Variants in FAM81B observed in about 807,000 individuals in gnomAD.
FAM81B encodes protein FAM81B.
Under a neutral mutation model 58.7 loss-of-function variants are expected in FAM81B, and 60 were observed. That is an observed-to-expected ratio of 1.02 (90% CI 0.83 to 1.27). The LOEUF (loss-of-function observed/expected upper bound fraction) is 1.27. Ranked by LOEUF, FAM81B falls within the 50% of genes most tolerant of loss-of-function variation. The probability of loss-of-function intolerance (pLI) is 0.00; values close to 1 mark genes in which losing one functional copy is unlikely to be tolerated. For missense variants in FAM81B, 491 were observed against 522.0 expected, an observed-to-expected ratio of 0.94 and a Z score of 0.58; for synonymous variants, 189 against 179.6, an observed-to-expected ratio of 1.05 and a Z score of -0.42.
intron 3 of FAM81B, among the ~76,000 whole-genome samples, chr5:95,408,343 T>G (rs1443483680): frequency 6.6e-6 from 1 of 152,244 alleles, no homozygotes; most frequent in African/African-American, 2.4e-5. Flanking sequence ...TCTAATTTAC[T>G]TTGTTTACTT....
rs540269464 is a variant in FAM81B, at chr5:95,430,707, GAATA to G, written c.786+1982_786+1985del. ...GAAGTGGGATTTCAGGATCAAAATA[GAATA>G]AATAAAAGCAGAGAGAATTAAGCAG... On this transcript the variant is annotated intron_variant, in intron 6 of 9. Transcript: ENST00000283357. 1.1e-4 allele frequency among the ~76,000 whole-genome samples: 17 copies of G among 152,140 alleles called. No homozygotes were observed. The South Asian group carries it at 2.7e-3, about 24-fold the overall frequency.
chr5:95,433,325 C>T, intron 6 of FAM81B, among the ~76,000 whole-genome samples: 1 of 152,172 alleles, frequency 6.6e-6, no homozygotes, highest in East Asian at 1.9e-4. Flanking sequence ...GGGGAAAAGT[C>T]CCATATAAAA....
chr5:95,433,163 C>T (rs1744965869), intron 6 of FAM81B, among the ~76,000 whole-genome samples: 1 of 152,064 alleles, frequency 6.6e-6, no homozygotes, highest in South Asian at 2.1e-4. Flanking sequence ...TAAAGACATA[C>T]CCAAGACCGG....
intron 7 of FAM81B, among the ~76,000 whole-genome samples, chr5:95,438,733 T>A (rs1745198005): frequency 6.6e-6 from 1 of 151,740 alleles, no homozygotes; most frequent in Non-Finnish European, 1.5e-5. Context: ...CACAACTGAC[T>A]TTTATATTTA....
chr5:95,436,933 T>C, intron 7 of FAM81B, 27 bp downstream of exon 7: 5 of 1,548,190 alleles, frequency 3.2e-6, no homozygotes, highest in Non-Finnish European at 3.6e-6. Flanking sequence ...TTTTTAATTC[T>C]GTTAAGTGCA....
intron 3 of FAM81B, among the ~76,000 whole-genome samples, chr5:95,407,059 T>C (rs528767210): frequency 6.6e-6 from 1 of 152,152 alleles, no homozygotes; most frequent in East Asian, 1.9e-4. Context: ...CCCCTGGGCA[T>C]GGGGGATGGC....
chr5:95,408,697 A>G (rs950802594), intron 3 of FAM81B, among the ~76,000 whole-genome samples: 2 of 152,246 alleles, frequency 1.3e-5, no homozygotes, highest in African/African-American at 4.8e-5. Context: ...ATCGTTAAAA[A>G]CAGGGTAATA....
At position 95,436,830 on chromosome 5, in the gene FAM81B, G is replaced by A. The variant is rs775591976; in HGVS notation, c.817G>A (p.Ala273Thr). ...GCAGCTCTTAGGAAAGATAGAAACT[G>A]CCAGTTCTGAGCAAACCTCGAATTT... ...VMQLLGKIETASSEQTSNLKM... is the reference protein window; with the variant it reads ...VMQLLGKIETTSSEQTSNLKM... The change falls in exon 7 of 10, where the codon GCC (alanine) becomes ACC (threonine). Residue 273 changes from alanine to threonine, a missense_variant. Ala to Thr is a moderately conservative substitution (Grantham distance 58). Coordinates refer to ENST00000283357, the MANE Select transcript of FAM81B (RefSeq NM_152548.3). 1 of 1,613,936 alleles carries A rather than the reference G, an allele frequency of 6.2e-7. No homozygotes were observed. Among genetic ancestry groups the A allele is most frequent in the Admixed American group, 1.7e-5 (1 of 60,018 alleles).
chr5:95,415,740 T>C (rs558009376), intron 4 of FAM81B, among the ~76,000 whole-genome samples: 2 of 152,300 alleles, frequency 1.3e-5, no homozygotes, highest in African/African-American at 2.4e-5. Context: ...CTTAGAAACA[T>C]TGAACTGTTT....
rs749812997 is a variant in FAM81B at position 95,414,197 on chromosome 5, CT to C, written c.537+8del. On this transcript the variant is annotated splice_region_variant and intron_variant, in intron 4 of 9. Coordinates refer to ENST00000283357, the MANE Select transcript of FAM81B (RefSeq NM_152548.3). ...ACTCAGCCAAAATATTGAGGTAGTT[CT>C]CTTTTTGTTTTATTTTGTTTTTGTT... is the stretch of plus-strand genomic sequence containing the variant. 3.8e-6 allele frequency: 6 copies of C among 1,587,260 alleles called. No individual in the cohort carries two copies. Among genetic ancestry groups the C allele is most frequent in the Non-Finnish European group, 5.1e-6 (6 of 1,168,144 alleles).
chr5:95,436,976 C>T, intron 7 of FAM81B, 70 bp downstream of exon 7: 1 of 1,226,070 alleles, frequency 8.2e-7, no homozygotes, highest in Non-Finnish European at 1.2e-6. Context: ...AAAGCATTGG[C>T]ATGAAATAAA....
intron 7 of FAM81B, among the ~76,000 whole-genome samples, chr5:95,443,988 G>A (rs749173882): frequency 1.3e-5 from 2 of 152,152 alleles, no homozygotes; most frequent in African/African-American, 4.8e-5. Flanking sequence ...GGGCACTGAA[G>A]GCTGGATTCT....
At chr5:95,427,118 C>T (rs1035965877) in intron 5 of FAM81B, among the ~76,000 whole-genome samples, 1 of 152,088 alleles carries the variant, frequency 6.6e-6, no homozygotes, top group Non-Finnish European at 1.5e-5. Flanking sequence ...CTATCTGACA[C>T]CAGAAACCAC....
At chr5:95,401,777 C>T (rs1360075924) in intron 3 of FAM81B, among the ~76,000 whole-genome samples, 1 of 152,266 alleles carries the variant, frequency 6.6e-6, no homozygotes, top group South Asian at 2.1e-4. Context: ...AAATTTAGGG[C>T]TCTATTCACA....
intron 3 of FAM81B, among the ~76,000 whole-genome samples, chr5:95,408,112 G>GAGAGAGAGAGAGA (rs58919939): frequency 6.7e-6 from 1 of 148,802 alleles, no homozygotes; most frequent in African/African-American, 2.5e-5. Context: ...GAGAGAGAGA[G>GAGAGAGAGAGAGA]GAGGGAAGGA....
At chr5:95,392,948 C>T (rs1191815405) in intron 2 of FAM81B, 51 bp downstream of exon 2, 3 of 1,477,282 alleles carry the variant, frequency 2.0e-6, no homozygotes, top group Non-Finnish European at 2.8e-6. Flanking sequence ...TGCTCAGCTT[C>T]TTTAAAGTTT....
intron 6 of FAM81B, among the ~76,000 whole-genome samples, chr5:95,429,356 T>G (rs950386092): frequency 1.3e-5 from 2 of 152,238 alleles, no homozygotes; most frequent in African/African-American, 4.8e-5. Flanking sequence ...ATGGTTTCAC[T>G]AAAGTGGAGC....
chr5:95,416,759 T>C (rs1467756622), intron 4 of FAM81B, among the ~76,000 whole-genome samples: 1 of 152,212 alleles, frequency 6.6e-6, no homozygotes, highest in Non-Finnish European at 1.5e-5. Context: ...GCATACACCA[T>C]GATTTGCTTA....
chr5:95,447,952 G>T (rs1745646423), intron 8 of FAM81B, among the ~76,000 whole-genome samples: 1 of 152,100 alleles, frequency 6.6e-6, no homozygotes, highest in East Asian at 1.9e-4. Context: ...AATTGAGGGA[G>T]TATGTCCAAG....
Sources: allele counts gnomAD v4.1 joint callset (sites outside exome capture counted in the v4.1 genomes callset), GRCh38; gene constraint gnomAD v4.1.1; transcripts MANE v1.5; gene names NCBI Gene and HGNC (gene_info 2026-07-23, HGNC 2026-07-21).